Variants in ESRP1 observed in about 807,000 individuals in gnomAD.
The protein encoded by ESRP1 is RNA-binding motif protein 35A.
In ESRP1, 33 loss-of-function variants were observed where a neutral mutation model predicts 81.7. The observed-to-expected ratio is 0.40, with a 90% CI of 0.31 to 0.54. ESRP1 has a LOEUF of 0.54. Among genes scored for constraint, ESRP1 ranks in the 20% least tolerant of loss-of-function variants. The pLI is 0.41. For missense variants in ESRP1, 672 were observed against 833.1 expected, an observed-to-expected ratio of 0.81 and a Z score of 2.38; for synonymous variants, 320 against 303.3, an observed-to-expected ratio of 1.06 and a Z score of -0.57.
chr8:94,673,259 G>A (rs781501256), intron 11 of ESRP1, among the ~76,000 whole-genome samples: 2 of 152,170 alleles, frequency 1.3e-5, no homozygotes, highest in Non-Finnish European at 2.9e-5. Flanking sequence ...ATAACCCAGA[G>A]GCCATTACTC....
intron 15 of ESRP1, among the ~76,000 whole-genome samples, chr8:94,704,791 A>C (rs75333981): frequency 7.6e-6 from 1 of 131,784 alleles, no homozygotes; most frequent in Non-Finnish European, 1.6e-5. Flanking sequence ...AAAAAAAAAA[A>C]AACTGCAGTG....
chr8:94,655,053 T>G, intron 4 of ESRP1, among the ~76,000 whole-genome samples: 1 of 126,478 alleles, frequency 7.9e-6, no homozygotes, highest in Non-Finnish European at 1.6e-5. Context: ...TCTGTGAGGT[T>G]TTTTGGGTTT....
At chr8:94,668,808 T>TGTGTGTGTGTGTGTGTGTGTG (rs56799877) in intron 10 of ESRP1, among the ~76,000 whole-genome samples, 16 of 151,404 alleles carry the variant, frequency 1.1e-4, no homozygotes, top group South Asian at 2.1e-4. Flanking sequence ...TGTGTGTGTG[T>TGTGTGTGTGTGTGTGTGTGTG]TTGAGATGGG....
chr8:94,655,003 A>G (rs1818324586), intron 4 of ESRP1, among the ~76,000 whole-genome samples: 2 of 151,568 alleles, frequency 1.3e-5, no homozygotes, highest in African/African-American at 4.9e-5. Flanking sequence ...GCTGGTTGGG[A>G]GAAGACAAAA....
intron 4 of ESRP1, among the ~76,000 whole-genome samples, chr8:94,655,239 T>C (rs1364052444): frequency 6.6e-6 from 1 of 151,804 alleles, no homozygotes; most frequent in Non-Finnish European, 1.5e-5. Context: ...ATTACAGATG[T>C]GCATCACCAC....
At chr8:94,694,124 T>C (rs1809506688) in intron 14 of ESRP1, among the ~76,000 whole-genome samples, 1 of 152,232 alleles carries the variant, frequency 6.6e-6, no homozygotes, top group South Asian at 2.1e-4. Flanking sequence ...ACATTTTGAC[T>C]TGTGTATTTT....
intron 1 of ESRP1, chr8:94,641,745 G>A: frequency 1.3e-6 from 1 of 751,782 alleles, no homozygotes; most frequent in Non-Finnish European, 1.9e-6. Flanking sequence ...GGAGGCCCCG[G>A]GGTCCACTTC....
chr8:94,668,375 G>A (rs946643322), intron 10 of ESRP1, 125 bp downstream of exon 10: 1 of 907,774 alleles, frequency 1.1e-6, no homozygotes, highest in Admixed American at 3.2e-5. Flanking sequence ...GTAACTGCAT[G>A]AAAATAGTCT....
At chr8:94,648,963 GTAATCCCA>G (rs1488761978) in intron 4 of ESRP1, among the ~76,000 whole-genome samples, 2 of 152,208 alleles carry the variant, frequency 1.3e-5, no homozygotes, top group South Asian at 2.1e-4. Flanking sequence ...GCTCATGCCT[GTAATCCCA>G]GCACTTTGGG....
At chr8:94,676,349 CA>C (rs10652320) in intron 12 of ESRP1, among the ~76,000 whole-genome samples, 127 of 120,692 alleles carry the variant, frequency 1.1e-3, no homozygotes, top group Admixed American at 1.1e-3. Context: ...GACTCAGTCT[CA>C]AAAAAAAAAA....
intron 4 of ESRP1, among the ~76,000 whole-genome samples, chr8:94,649,924 C>G (rs1419349866): frequency 1.3e-4 from 20 of 152,156 alleles, no homozygotes; most frequent in Admixed American, 9.2e-4. Context: ...ACTCACTCCC[C>G]CACTGTCTAC....
intron 4 of ESRP1, among the ~76,000 whole-genome samples, chr8:94,655,252 C>G (rs1303747477): frequency 6.6e-6 from 1 of 151,768 alleles, no homozygotes; most frequent in Non-Finnish European, 1.5e-5. Flanking sequence ...ATCACCACAC[C>G]TGGTTAATTT....
intron 12 of ESRP1, 94 bp from the exon 13 acceptor site, chr8:94,678,109 T>C: frequency 7.6e-7 from 1 of 1,319,200 alleles, no homozygotes; most frequent in Admixed American, 2.2e-5. Context: ...TTCTTTAAAA[T>C]GTGTAGATGG....
At chr8:94,689,405 T>C (rs1054769644) in intron 13 of ESRP1, among the ~76,000 whole-genome samples, 1 of 152,174 alleles carries the variant, frequency 6.6e-6, no homozygotes, top group Non-Finnish European at 1.5e-5. Flanking sequence ...TTTTTGATGC[T>C]ATAGTGAATG....
chr8:94,661,143 C>T (rs1463021525), intron 4 of ESRP1, among the ~76,000 whole-genome samples: 3 of 152,092 alleles, frequency 2.0e-5, no homozygotes, highest in South Asian at 2.1e-4. Flanking sequence ...CGGGTTCAAG[C>T]GATTCTCTTG....
At chr8:94,705,350 T>A (rs1040943258) in intron 15 of ESRP1, among the ~76,000 whole-genome samples, 1 of 151,908 alleles carries the variant, frequency 6.6e-6, no homozygotes, top group African/African-American at 2.4e-5. Context: ...GTATTTTTAG[T>A]AGAGATGGGG....
At position 94,675,389 on chromosome 8, in the gene ESRP1, A is replaced by G. The variant is rs1819539744; in HGVS notation, c.1651+883A>G. On this transcript the variant is annotated intron_variant, in intron 12 of 15. Transcript: ENST00000433389. ...GGGGGATTTGGGCACCTCACTTTCT[A>G]ATAAGATGGACCTATACTAATGATC... Among the ~76,000 whole-genome samples the G allele has an allele frequency of 2.0e-5, 3 of 152,198 alleles. No individual in the cohort carries two copies. The South Asian group carries it at 6.2e-4, about 31-fold the overall frequency.
intron 14 of ESRP1, among the ~76,000 whole-genome samples, chr8:94,695,359 T>TC: frequency 2.9e-5 from 2 of 69,346 alleles, no homozygotes; most frequent in Admixed American, 1.6e-4. Context: ...TTTTTTTTTT[T>TC]TTTTTTTTTT....
At chr8:94,674,757 C>T (rs1819506734) in intron 12 of ESRP1, among the ~76,000 whole-genome samples, 1 of 152,214 alleles carries the variant, frequency 6.6e-6, no homozygotes, top group Admixed American at 6.5e-5. Flanking sequence ...CACTTGATTT[C>T]TGAAGCTTAG....
Sources: gnomAD v4.1 joint callset for allele counts (sites outside exome capture counted in the v4.1 genomes callset) on GRCh38, gnomAD v4.1.1 for gene constraint, MANE v1.5 for transcripts, NCBI Gene and HGNC (gene_info 2026-07-23, HGNC 2026-07-21) for gene names.